Variants in NKAIN2 observed in about 807,000 individuals in gnomAD.
NKAIN2 encodes sodium/potassium-transporting ATPase subunit beta-1-interacting protein 2.
NKAIN2 carries 14 observed loss-of-function variants against 32.6 expected under a neutral mutation model. The observed-to-expected ratio is 0.43, with a 90% CI of 0.28 to 0.67. NKAIN2 has a LOEUF of 0.67. Ranked by LOEUF, NKAIN2 falls within the 30% of genes least tolerant of loss-of-function variation. The probability of loss-of-function intolerance (pLI) is 0.17; values close to 1 mark genes in which losing one functional copy is unlikely to be tolerated. For synonymous variants in NKAIN2, 80 were observed against 87.2 expected (o/e 0.92, Z 0.46); for missense variants, 198 against 258.3 (o/e 0.77, Z 1.60).
intron 3 of NKAIN2, among the ~76,000 whole-genome samples, chr6:124,511,619 A>T (rs1426104391): frequency 6.6e-6 from 1 of 152,186 alleles, no homozygotes; most frequent in African/African-American, 2.4e-5. Context: ...ATCTGACGAA[A>T]GTAATGTAAA....
chr6:123,879,630 T>A (rs1773357942), intron 1 of NKAIN2, among the ~76,000 whole-genome samples: 1 of 152,152 alleles, frequency 6.6e-6, no homozygotes, highest in Admixed American at 6.5e-5. Flanking sequence ...GTGTTCTAGC[T>A]AATAGGAAGG....
intron 5 of NKAIN2, among the ~76,000 whole-genome samples, chr6:124,795,233 A>G (rs989930700): frequency 6.6e-6 from 1 of 152,158 alleles, no homozygotes; most frequent in Admixed American, 6.5e-5. Flanking sequence ...ATAAGGGCCC[A>G]ATGATGGCAA....
At chr6:124,729,772 C>A (rs879379289) in intron 4 of NKAIN2, among the ~76,000 whole-genome samples, 40 of 151,688 alleles carry the variant, frequency 2.6e-4, no homozygotes, top group Middle Eastern at 6.8e-3. Context: ...TCAAATTGTC[C>A]CTCTTTGCAG....
At chr6:124,149,588 A>T (rs765654161) in intron 1 of NKAIN2, among the ~76,000 whole-genome samples, 1 of 152,212 alleles carries the variant, frequency 6.6e-6, no homozygotes, top group Non-Finnish European at 1.5e-5. Flanking sequence ...TCAGTTAACC[A>T]TAAATGTAAG....
chr6:124,424,379 C>T (rs1774889231), intron 3 of NKAIN2, among the ~76,000 whole-genome samples: 2 of 152,176 alleles, frequency 1.3e-5, no homozygotes, highest in Non-Finnish European at 2.9e-5. Flanking sequence ...TACATAGTTA[C>T]TACTGTGTGT....
At chr6:124,662,059 T>G (rs967245103) in intron 4 of NKAIN2, among the ~76,000 whole-genome samples, 3 of 152,114 alleles carry the variant, frequency 2.0e-5, no homozygotes, top group Non-Finnish European at 4.4e-5. Context: ...CATAGCAAGG[T>G]TGGGAAATAG....
intron 1 of NKAIN2, among the ~76,000 whole-genome samples, chr6:123,939,001 A>G (rs539198274): frequency 6.6e-6 from 1 of 152,076 alleles, no homozygotes; most frequent in South Asian, 2.1e-4. Flanking sequence ...GAATCAGGCA[A>G]TGATTCTGGG....
chr6:124,148,927 T>C (rs1172370993), intron 1 of NKAIN2, among the ~76,000 whole-genome samples: 1 of 152,190 alleles, frequency 6.6e-6, no homozygotes. Context: ...ACCAACAGCA[T>C]TGAGAGTAAG....
chr6:124,095,848 A>G (rs1303679864), intron 1 of NKAIN2, among the ~76,000 whole-genome samples: 2 of 152,200 alleles, frequency 1.3e-5, no homozygotes, highest in African/African-American at 4.8e-5. Context: ...AAGTACTGTT[A>G]TAACAGCTGG....
chr6:123,808,215 T>A (rs1006842542), intron 1 of NKAIN2, among the ~76,000 whole-genome samples: 1 of 152,128 alleles, frequency 6.6e-6, no homozygotes, highest in African/African-American at 2.4e-5. Context: ...TTTGACGGTT[T>A]TTCAGAAGTT....
intron 1 of NKAIN2, among the ~76,000 whole-genome samples, chr6:124,136,809 C>A (rs1786815742): frequency 6.6e-6 from 1 of 152,106 alleles, no homozygotes; most frequent in Non-Finnish European, 1.5e-5. Context: ...TCCAGCATCT[C>A]TTTATGATAA....
At chr6:124,124,557 T>TG (rs1786064790) in intron 1 of NKAIN2, among the ~76,000 whole-genome samples, 2 of 152,208 alleles carry the variant, frequency 1.3e-5, no homozygotes, top group African/African-American at 4.8e-5. Flanking sequence ...AGACAAATGT[T>TG]AAACAAGACA....
At chr6:124,470,260 G>A (rs1345957619) in intron 3 of NKAIN2, among the ~76,000 whole-genome samples, 1 of 152,084 alleles carries the variant, frequency 6.6e-6, no homozygotes, top group Non-Finnish European at 1.5e-5. Flanking sequence ...AAGACTGCAG[G>A]AGCCTGGCCA....
Position 124,759,635 on chromosome 6 carries a change from ACACACACACACACACACACAC to A in NKAIN2, c.475-31702_475-31682del, listed in dbSNP as rs1435906833. On this transcript the variant is annotated intron_variant, in intron 4 of 6. Coordinates refer to ENST00000368417, the MANE Select transcript of NKAIN2 (RefSeq NM_001040214.3). ...CACACACACACACACACACACACACACACACACACACACACACACACCCCCTATCTCCCTTTCCTGCCTTAT... is the reference window on the plus strand; with the variant it reads ...CACACACACACACACACACACACACACCCCTATCTCCCTTTCCTGCCTTAT... Among the ~76,000 whole-genome samples the A allele has an allele frequency of 7.4e-4, 80 of 107,950 alleles. 2 individuals carry two copies. The highest frequency in any genetic ancestry group is 1.1e-3 in the Admixed American group (12 of 10,540). 70.8% of individuals were successfully genotyped at this position (107,950 alleles called of 152,430 possible).
At chr6:124,715,461 G>T (rs902344126) in intron 4 of NKAIN2, among the ~76,000 whole-genome samples, 1 of 152,202 alleles carries the variant, frequency 6.6e-6, no homozygotes, top group East Asian at 1.9e-4. Flanking sequence ...GCTCTGCTCC[G>T]TGAGCCACTC....
chr6:124,634,153 T>C (rs1783682842), intron 3 of NKAIN2, among the ~76,000 whole-genome samples: 1 of 151,484 alleles, frequency 6.6e-6, no homozygotes, highest in South Asian at 2.1e-4. Flanking sequence ...AATAACGGTT[T>C]CACCAGATGT....
chr6:124,412,764 C>T (rs1431173363), intron 3 of NKAIN2, among the ~76,000 whole-genome samples: 1 of 152,178 alleles, frequency 6.6e-6, no homozygotes, highest in Non-Finnish European at 1.5e-5. Flanking sequence ...TGTGCCCTGC[C>T]CCCAGAGGTG....
chr6:123,941,132 G>A (rs971831468), intron 1 of NKAIN2, among the ~76,000 whole-genome samples: 3 of 151,732 alleles, frequency 2.0e-5, no homozygotes, highest in Admixed American at 1.3e-4. Flanking sequence ...GCCACCAATA[G>A]CACTGTCCTC....
intron 3 of NKAIN2, among the ~76,000 whole-genome samples, chr6:124,565,064 C>A (rs1448472680): frequency 6.6e-6 from 1 of 152,010 alleles, no homozygotes; most frequent in East Asian, 1.9e-4. Context: ...AGAGCAAGAG[C>A]AAGAGATTTG....
Sources: gnomAD v4.1 joint callset for allele counts (sites outside exome capture counted in the v4.1 genomes callset) on GRCh38, gnomAD v4.1.1 for gene constraint, MANE v1.5 for transcripts, NCBI Gene and HGNC (gene_info 2026-07-23, HGNC 2026-07-21) for gene names.